CUBN: variants seen among roughly 807,000 people sequenced by gnomAD.
CUBN encodes cubilin.
A neutral mutation model predicts 405.3 loss-of-function variants in CUBN; 282 were observed. The observed-to-expected ratio is 0.70, with a 90% CI of 0.63 to 0.77. CUBN has a LOEUF of 0.77. Among genes scored for constraint, CUBN ranks in the 30% least tolerant of loss-of-function variants. CUBN has a pLI of 0.00. For synonymous variants in CUBN, 1,684 were observed against 1,617.0 expected, an observed-to-expected ratio of 1.04 and a Z score of -0.99; for missense variants, 4,514 against 4,475.2, an observed-to-expected ratio of 1.01 and a Z score of -0.25.
rs1453803621 is a variant in CUBN at position 17,105,043 on chromosome 10, C to T, written c.1230+414G>A. On this transcript the variant is annotated intron_variant, in intron 11 of 66. Transcript: ENST00000377833. Reference sequence around the variant, plus strand: ...GGTCTTGATCTCCTGGCTCGTGATGCACCCGCCTCACCCTCCCAAAGTGTT... The same window carrying T: ...GGTCTTGATCTCCTGGCTCGTGATGTACCCGCCTCACCCTCCCAAAGTGTT... Among the ~76,000 whole-genome samples the T allele has an allele frequency of 4.6e-5, 7 of 151,912 alleles. 1 individual carries two copies. In the South Asian group the frequency reaches 1.5e-3, roughly 32 times the overall value.
At chr10:17,077,038 C>T (rs1835868895) in intron 17 of CUBN, among the ~76,000 whole-genome samples, 1 of 152,180 alleles carries the variant, frequency 6.6e-6, no homozygotes, top group Non-Finnish European at 1.5e-5. Context: ...TTTTCTAAGT[C>T]AGGTGAAGCC....
intron 22 of CUBN, among the ~76,000 whole-genome samples, chr10:17,058,068 G>A (rs930773265): frequency 6.6e-6 from 1 of 152,030 alleles, no homozygotes; most frequent in Admixed American, 6.6e-5. Flanking sequence ...GTAGCAGTGA[G>A]CTGAGATCGC....
At chr10:17,019,672 T>C (rs1203767899) in intron 28 of CUBN, among the ~76,000 whole-genome samples, 161 bp downstream of exon 28, 1 of 152,206 alleles carries the variant, frequency 6.6e-6, no homozygotes, top group East Asian at 1.9e-4. Flanking sequence ...ACTCTCCAAG[T>C]TCCACCAATA....
intron 14 of CUBN, among the ~76,000 whole-genome samples, chr10:17,089,320 C>T (rs1275568556): frequency 1.3e-5 from 2 of 151,894 alleles, no homozygotes. Flanking sequence ...TAAAAGTTAC[C>T]AGTTTTAAAT....
At position 17,043,871 on chromosome 10, in the gene CUBN, T is replaced by A. The variant is rs781555887; in HGVS notation, c.3785A>T (p.Asp1262Val). 1 of 1,613,674 alleles carries A rather than the reference T, an allele frequency of 6.2e-7. No homozygotes were observed. The highest frequency in any genetic ancestry group is 1.7e-5 in the Admixed American group (1 of 59,982). Residue 1262 changes from aspartate (D) to valine (V), a missense_variant, in exon 26 of 67, where the codon GAT becomes GTT. Transcript: ENST00000377833. ...GAAGCCACGTCCTTGCTGACCTTCATCTGTCCTCAGTTTTATAAACATGCT... is the reference window on the plus strand; with the variant it reads ...GAAGCCACGTCCTTGCTGACCTTCAACTGTCCTCAGTTTTATAAACATGCT... ...GDSMFIKLRT[D>V]EGQQGRGFKA...
At chr10:17,021,425 T>C (rs1834498275) in intron 27 of CUBN, among the ~76,000 whole-genome samples, 1 of 152,226 alleles carries the variant, frequency 6.6e-6, no homozygotes, top group Admixed American at 6.5e-5. Flanking sequence ...ATCGCCTTCA[T>C]GTTCCCTTTA....
At position 17,071,528 on chromosome 10, in the gene CUBN, G is replaced by A; in HGVS notation, c.2523C>T (p.Thr841=). 1.2e-6 allele frequency: 2 copies of A among 1,613,948 alleles called. No homozygotes were observed. Among genetic ancestry groups the A allele is most frequent in the Non-Finnish European group, 1.7e-6 (2 of 1,179,926 alleles). Residue 841 remains threonine (T), a synonymous_variant, in exon 19 of 67, where the codon ACC becomes ACT. Transcript: ENST00000377833. ...GGGGCTGGTGGATGGTCCACCTACA[G>A]GTTCTTTCTCCAGGATACACGTTAG... The part of the protein sequence containing the change: ...FFPNVYPGER[T]CRWTIHQPQS...
At position 17,100,121 on chromosome 10, in the gene CUBN, C is replaced by A. The variant is rs771207421; in HGVS notation, c.1649G>T (p.Gly550Val). ...SSAFQLGRFC[G>V]SSLPHELLSS... ...GAGGAGTTCATGAGGGAGGCTGGAG[C>A]CACAAAATCTTCCAAGTTGAAAAGC... The change falls in exon 14 of 67, where the codon GGC becomes GTC. Residue 550 changes from glycine to valine, a missense_variant. Transcript: ENST00000377833. 26 of 1,613,566 alleles carry A rather than the reference C, an allele frequency of 1.6e-5. No homozygotes were observed. Among genetic ancestry groups the A allele is most frequent in the Non-Finnish European group, 2.0e-5 (24 of 1,179,678 alleles).
At chr10:17,039,865 C>G (rs1834978217) in intron 27 of CUBN, among the ~76,000 whole-genome samples, 1 of 152,038 alleles carries the variant, frequency 6.6e-6, no homozygotes, top group South Asian at 2.1e-4. Context: ...AAAAAATTAT[C>G]TCTGAAAAAC....
At chr10:16,934,174 C>A (rs1391880343) in intron 39 of CUBN, among the ~76,000 whole-genome samples, 3 of 152,110 alleles carry the variant, frequency 2.0e-5, no homozygotes, top group African/African-American at 4.8e-5. Flanking sequence ...GAAGAGAATG[C>A]CACAAAAATG....
At chr10:16,943,056 T>A (rs976941786) in intron 36 of CUBN, among the ~76,000 whole-genome samples, 6 of 152,222 alleles carry the variant, frequency 3.9e-5, no homozygotes, top group Middle Eastern at 3.2e-3. Flanking sequence ...TAGTTAGAGA[T>A]AACCAGCCTG....
intron 22 of CUBN, among the ~76,000 whole-genome samples, chr10:17,053,688 G>T (rs1835322950): frequency 6.6e-6 from 1 of 152,030 alleles, no homozygotes; most frequent in Admixed American, 6.6e-5. Context: ...ATGAATAGGG[G>T]TATAGAAAAT....
At chr10:16,931,724 G>A (rs1010620434) in intron 40 of CUBN, among the ~76,000 whole-genome samples, 7 of 152,142 alleles carry the variant, frequency 4.6e-5, no homozygotes, top group African/African-American at 1.4e-4. Context: ...CAGGTAGAAC[G>A]GGTTTGGAGC....
chr10:16,967,895 G>GGGAGAGAGAGAGAAGGAGAGAC (rs1843444145), intron 31 of CUBN, among the ~76,000 whole-genome samples: 1 of 145,042 alleles, frequency 6.9e-6, no homozygotes, highest in Non-Finnish European at 1.5e-5. Flanking sequence ...AGGAGAGACA[G>GGGAGAGAGAGAGAAGGAGAGAC]AGGGAGAGAG....
intron 54 of CUBN, among the ~76,000 whole-genome samples, chr10:16,895,187 C>T (rs1326799572): frequency 1.3e-5 from 2 of 152,128 alleles, no homozygotes; most frequent in South Asian, 4.1e-4. Context: ...TTTTAATATA[C>T]TCAAAGAACA....
chr10:16,864,245 T>C (rs945813263), intron 59 of CUBN, among the ~76,000 whole-genome samples: 5 of 152,196 alleles, frequency 3.3e-5, no homozygotes, highest in Non-Finnish European at 7.3e-5. Context: ...GGTTATAAAA[T>C]GTACTTTAGG....
chr10:16,901,971 GTGTGTA>G lies in CUBN; in HGVS notation c.8063-518_8063-513del, dbSNP rs570857297. On this transcript the variant is annotated intron_variant, in intron 51 of 66. Transcript: ENST00000377833. ...TATATATATATATACACCATATATA[GTGTGTA>G]TATATATACACCATATATAGTATAT... Among the ~76,000 whole-genome samples the G allele has an allele frequency of 1.3e-3, 154 of 117,934 alleles. 1 individual carries two copies. The highest frequency in any genetic ancestry group is 2.0e-3 in the Admixed American group (23 of 11,318). The allele number at this position is 117,934 out of a possible 152,430, so 77.4% of individuals were successfully genotyped here. A position where few individuals can be genotyped will look rare whatever the true frequency, so the allele number is the denominator to read the frequency against.
chr10:16,850,460 C>T (rs953063878), intron 60 of CUBN, among the ~76,000 whole-genome samples: 3 of 152,002 alleles, frequency 2.0e-5, no homozygotes, highest in African/African-American at 7.3e-5. Flanking sequence ...TCTTGATTTA[C>T]TTTTTTATTT....
chr10:16,853,979 G>C (rs1839795228), intron 59 of CUBN, among the ~76,000 whole-genome samples: 1 of 152,192 alleles, frequency 6.6e-6, no homozygotes, highest in Non-Finnish European at 1.5e-5. Context: ...TAGTCCATTA[G>C]TAGTAAGACA....
Sources: allele counts gnomAD v4.1 joint callset (sites outside exome capture counted in the v4.1 genomes callset), GRCh38; gene constraint gnomAD v4.1.1; transcripts MANE v1.5; gene names NCBI Gene and HGNC (gene_info 2026-07-23, HGNC 2026-07-21).